The following ABCA7 variants were observed in gnomAD, a reference collection of about 807,000 sequenced individuals.
ABCA7 encodes ATP binding cassette subfamily A member 7.
In ABCA7, 261 loss-of-function variants were observed where a neutral mutation model predicts 227.6. That is an observed-to-expected ratio of 1.15 (90% confidence interval 1.04 to 1.27). The LOEUF is 1.27. Ranked by LOEUF, ABCA7 falls within the 50% of genes most tolerant of loss-of-function variation. The pLI is 0.00. For missense variants in ABCA7, 3,331 were observed against 2,924.5 expected, an observed-to-expected ratio of 1.14 and a Z score of -3.21; for synonymous variants, 1,488 against 1,279.7, an observed-to-expected ratio of 1.16 and a Z score of -3.47.
intron 24 of ABCA7, 30 bp downstream of exon 24, chr19:1,053,561 G>A: frequency 6.5e-7 from 1 of 1,548,678 alleles, no homozygotes; most frequent in Non-Finnish European, 8.7e-7. Flanking sequence ...GTGAGGTGGG[G>A]CCAGGAGGAG....
intron 18 of ABCA7, among the ~76,000 whole-genome samples, chr19:1,050,083 C>T (rs1469230247): frequency 2.7e-5 from 4 of 150,658 alleles, no homozygotes; most frequent in Admixed American, 1.3e-4. Flanking sequence ...GGCGCCACTG[C>T]ACTCCAGCTT....
rs1161231779 is a variant in ABCA7 at position 1,055,120 on chromosome 19, C to T, written c.3974C>T (p.Ala1325Val). ...SHRFSAPEVP[A>V]EVAKVLASGN... ...AGGTTCTCGGCACCAGAAGTTCCTG[C>T]TGAAGTGGCCAAGGTCTTGGCCAGT... Residue 1325 changes from alanine (A) to valine (V), a missense_variant, in exon 30 of 47, where the codon GCT becomes GTT. By Grantham distance (64) the Ala-to-Val change is moderately conservative. Transcript: ENST00000263094. The T allele has an allele frequency of 6.2e-7, 1 of 1,612,586 alleles. No homozygotes were observed. Among genetic ancestry groups the T allele is most frequent in the Middle Eastern group, 1.7e-4 (1 of 6,058 alleles).
At chr19:1,050,350 T>G (rs1366627279) in intron 18 of ABCA7, among the ~76,000 whole-genome samples, 1 of 151,184 alleles carries the variant, frequency 6.6e-6, no homozygotes, top group Admixed American at 6.6e-5. Flanking sequence ...AGGCGGAGGT[T>G]GCAGTGAGCC....
At chr19:1,042,221 C>T in intron 5 of ABCA7, 45 bp downstream of exon 5, 6 of 1,582,708 alleles carry the variant, frequency 3.8e-6, no homozygotes, top group Non-Finnish European at 5.2e-6. Context: ...CTCTGAGCCT[C>T]AACTTGCCGG....
In ABCA7 at chr19:1,054,208, A is replaced by G. The variant is rs779482206; in HGVS notation, c.3593A>G (p.Glu1198Gly). 24 of 1,609,192 alleles carry G rather than the reference A, an allele frequency of 1.5e-5. No individual in the cohort carries two copies. The highest frequency in any genetic ancestry group is 5.0e-5 in the Admixed American group (3 of 59,808). ...TCCCTCACAGCTGGGTCAGCCCCAG[A>G]GACTGACCAGGGCTCTGGGCCAGAC... is the stretch of plus-strand genomic sequence containing the variant. ...ENGEPAGSAP[E>G]TDQGSGPDAV... is the part of the protein sequence containing the mutation. The change falls in exon 27 of 47, where the codon GAG (glutamate) becomes GGG (glycine). Residue 1198 changes from glutamate to glycine, a missense_variant. Physicochemically the swap from Glu to Gly is moderately conservative, Grantham distance 98. Transcript: ENST00000263094. The surrounding 1 kb of genome is among the most constrained non-coding windows in gnomAD (Gnocchi z 4.8).
In ABCA7 at chr19:1,055,235, T is replaced by G. The variant is rs112330977; in HGVS notation, c.4089T>G (p.Ala1363=). The G allele has an allele frequency of 6.2e-6, 10 of 1,606,148 alleles. No individual in the cohort carries two copies. The highest frequency in any genetic ancestry group is 8.5e-6 in the Non-Finnish European group (10 of 1,176,906). Reference sequence around the variant, plus strand: ...TGCTGCCCGACTGCCCGGCTGCAGCTGGTGGTCCCCCTCCGCCCCAGGCAG... The same window carrying G: ...TGCTGCCCGACTGCCCGGCTGCAGCGGGTGGTCCCCCTCCGCCCCAGGCAG... ...RRLLPDCPAA[A]GGPPPPQAVT... Residue 1363 remains alanine, a synonymous_variant, in exon 30 of 47, where the codon GCT becomes GCG. Coordinates refer to ENST00000263094, the MANE Select transcript of ABCA7 (RefSeq NM_019112.4).
Position 1,054,838 on chromosome 19 carries a change from G to T in ABCA7, c.3910G>T (p.Ala1304Ser), listed in dbSNP as rs914707696. The T allele has an allele frequency of 1.9e-6, 3 of 1,568,436 alleles. No individual in the cohort carries two copies. Among genetic ancestry groups the T allele is most frequent in the Admixed American group, 1.9e-5 (1 of 52,774 alleles). ...GCTGCTCGAGGCGCTGCTGCAGGAG[G>T]CAGGACTGGAGGAGCCCCCAGTGCA... is the stretch of plus-strand genomic sequence containing the variant. ...ARLLEALLQE[A>S]GLEEPPVQHS... The change falls in exon 29 of 47, where the codon GCA (alanine) becomes TCA (serine). Residue 1304 changes from alanine to serine, a missense_variant. Transcript: ENST00000263094. The surrounding 1 kb of genome is among the most constrained non-coding windows in gnomAD (Gnocchi z 4.8).
chr19:1,057,554 G>A (rs1267107310), intron 35 of ABCA7, 125 bp downstream of exon 35: 10 of 973,210 alleles, frequency 1.0e-5, no homozygotes, highest in East Asian at 2.5e-5. Context: ...AGGTGATGCC[G>A]TGTGTGATCC....
intron 24 of ABCA7, 124 bp downstream of exon 24, chr19:1,053,655 T>A (rs764271892): frequency 2.0e-6 from 3 of 1,510,266 alleles, no homozygotes. Flanking sequence ...GCATGGCACA[T>A]GAGGAGCTCT....
rs569138741 is a variant in ABCA7, at chr19:1,064,190, G to T, written c.5981G>T (p.Arg1994Leu). Reference protein sequence around the residue: ...SMEECEALCSRLAIMVNGRFR... With the variant: ...SMEECEALCSLLAIMVNGRFR... ...GAGGAGTGTGAAGCGCTCTGCTCGC[G>T]CCTGGCCATCATGGTGAATGGGCGG... Residue 1994 changes from arginine to leucine, a missense_variant, in exon 45 of 47, where the codon CGC becomes CTC. Coordinates refer to ENST00000263094, the MANE Select transcript of ABCA7 (RefSeq NM_019112.4). 1.3e-6 allele frequency: 2 copies of T among 1,580,974 alleles called. No homozygotes were observed. Among genetic ancestry groups the T allele is most frequent in the Non-Finnish European group, 8.6e-7 (1 of 1,165,102 alleles).
chr19:1,056,421 C>T lies in ABCA7; in HGVS notation c.4508C>T (p.Pro1503Leu), dbSNP rs767723631. The change falls in exon 33 of 47, where the codon CCG becomes CTG. Residue 1503 changes from proline (P) to leucine (L), a missense_variant. Coordinates refer to ENST00000263094, the MANE Select transcript of ABCA7 (RefSeq NM_019112.4). This position sits in a 1 kb window ranked among gnomAD's most constrained non-coding sequence, Gnocchi z 4.3. ...CTCCGTGCTCACCTGCCCCCAGGCC[C>T]GGCCCGCCACGCCCACAGCATCACC... is the stretch of plus-strand genomic sequence containing the variant. ...AILRAHLPPG[P>L]ARHAHSITTL... 33 of 1,613,370 alleles carry T rather than the reference C, an allele frequency of 2.0e-5. No homozygotes were observed. Among genetic ancestry groups the T allele is most frequent in the Admixed American group, 3.3e-5 (2 of 59,992 alleles).
chr19:1,064,897 C>T (rs1243478765), intron 45 of ABCA7, 34 bp from the exon 46 acceptor site: 2 of 1,546,438 alleles, frequency 1.3e-6, no homozygotes, highest in Admixed American at 2.0e-5. Flanking sequence ...CTGGGAAAGG[C>T]CCGATCCGGT....
At position 1,065,448 on chromosome 19, in the gene ABCA7, C is replaced by T. The variant is rs370876495; in HGVS notation, c.*23C>T. The T allele has an allele frequency of 8.1e-6, 13 of 1,611,076 alleles. No individual in the cohort carries two copies. The highest frequency in any genetic ancestry group is 5.3e-5 in the African/African-American group (4 of 74,892). ...TGAGCCTCCCTCCCCTGCGGGGCCG[C>T]GGGGAGGCCCTGGGAATGGCAAGGG... On this transcript the variant is annotated 3_prime_UTR_variant, in exon 47 of 47. Transcript: ENST00000263094.
Position 1,061,879 on chromosome 19 carries a change from C to A in ABCA7, c.5561C>A (p.Ala1854Glu), listed in dbSNP as rs374577064. Residue 1854 changes from alanine to glutamate, a missense_variant, in exon 41 of 47, where the codon GCA (alanine) becomes GAA (glutamate). Ala to Glu is a moderately radical substitution (Grantham distance 107). Coordinates refer to ENST00000263094, the MANE Select transcript of ABCA7 (RefSeq NM_019112.4). ...GCCAGCAGGGGCGAGGCTGTGCTGG[C>A]AGGCCACAGGTGAGGGGTGCCAGGT... ...TLASRGEAVL[A>E]GHSVAREPSA... 6.3e-7 allele frequency: 1 copy of A among 1,591,054 alleles called. No individual in the cohort carries two copies. Among genetic ancestry groups the A allele is most frequent in the South Asian group, 1.2e-5 (1 of 86,824 alleles).
Position 1,051,476 on chromosome 19 carries a change from C to T in ABCA7, c.2852C>T (p.Ala951Val). The change falls in exon 21 of 47, where the codon GCC (alanine) becomes GTC (valine). Residue 951 changes from alanine to valine, a missense_variant. Ala to Val is a moderately conservative substitution (Grantham distance 64, BLOSUM62 0). Transcript: ENST00000263094. ...SGGMQRKLSV[A>V]IAFVGGSQVV... ...GGGATGCAACGGAAGCTGTCCGTGGCCATTGCCTTTGTGGGCGGCTCCCAA... is the reference window on the plus strand; with the variant it reads ...GGGATGCAACGGAAGCTGTCCGTGGTCATTGCCTTTGTGGGCGGCTCCCAA... The T allele has an allele frequency of 6.3e-7, 1 of 1,587,644 alleles. No individual in the cohort carries two copies. Among genetic ancestry groups the T allele is most frequent in the South Asian group, 1.1e-5 (1 of 90,044 alleles).
intron 10 of ABCA7, 102 bp from the exon 11 acceptor site, chr19:1,044,475 T>TG: frequency 7.1e-7 from 1 of 1,398,690 alleles, no homozygotes; most frequent in East Asian, 2.4e-5. Context: ...CTCGAACTCC[T>TG]GACCTCAGGT....
intron 34 of ABCA7, 74 bp downstream of exon 34, chr19:1,057,158 G>A (rs771790759): frequency 7.7e-6 from 12 of 1,564,742 alleles, no homozygotes; most frequent in Non-Finnish European, 9.6e-6. Flanking sequence ...TTGTAGGCAG[G>A]GGCTTGTCCA....
At position 1,064,725 on chromosome 19, in the gene ABCA7, T is replaced by C; in HGVS notation, c.6045-206T>C. On this transcript the variant is annotated intron_variant, in intron 45 of 46. Transcript: ENST00000263094. The stretch of plus-strand genomic sequence containing the variant: ...GGGAGACCCCATCTCTATAAAAAAT[T>C]TAAAAATTAGCTGGACATGGTGGTG... The C allele has an allele frequency of 7.0e-6, 6 of 853,514 alleles. No homozygotes were observed. The South Asian group carries it at 1.3e-4, about 18-fold the overall frequency. 52.9% of individuals were successfully genotyped at this position (853,514 alleles called of 1,614,324 possible). A position where few individuals can be genotyped will look rare whatever the true frequency, so the allele number is the denominator to read the frequency against.
In ABCA7 at chr19:1,056,950, T is replaced by C. The variant is rs1197436218; in HGVS notation, c.4630T>C (p.Phe1544Leu). 6.2e-7 allele frequency: 1 copy of C among 1,614,118 alleles called. No homozygotes were observed. Among genetic ancestry groups the C allele is most frequent in the Non-Finnish European group, 8.5e-7 (1 of 1,180,012 alleles). The change falls in exon 34 of 47, where the codon TTT (phenylalanine) becomes CTT (leucine). Residue 1544 changes from phenylalanine (F) to leucine (L), a missense_variant. By Grantham distance (22) the Phe-to-Leu change is conservative. Coordinates refer to ENST00000263094, the MANE Select transcript of ABCA7 (RefSeq NM_019112.4). This position sits in a 1 kb window ranked among gnomAD's most constrained non-coding sequence, Gnocchi z 4.3. The part of the protein sequence containing the change: ...VDVLVSICVV[F>L]AMSFVPASFT... ...CGTCCTCGTCTCCATCTGTGTGGTC[T>C]TTGCCATGTCCTTTGTCCCGGCCAG...
Sources: allele counts gnomAD v4.1 joint callset (sites outside exome capture counted in the v4.1 genomes callset), GRCh38; gene constraint gnomAD v4.1.1; non-coding constraint Gnocchi (gnomAD v3.1); transcripts MANE v1.5; gene names NCBI Gene and HGNC (gene_info 2026-07-23, HGNC 2026-07-21).